HIP1: variants seen among roughly 807,000 people sequenced by gnomAD.
The protein encoded by HIP1 is huntingtin-interacting protein 1.
HIP1 carries 65 observed loss-of-function variants against 147.6 expected under a neutral mutation model. That is an observed-to-expected ratio of 0.44 (90% CI 0.36 to 0.54). The LOEUF (loss-of-function observed/expected upper bound fraction) is 0.54. HIP1 is among the 20% of genes least tolerant of loss of function. The pLI is 0.00. For synonymous variants in HIP1, 479 were observed against 504.0 expected (o/e 0.95, Z 0.67); for missense variants, 1,061 against 1,299.6 (o/e 0.82, Z 2.82).
At chr7:75,658,163 G>A (rs1049872456) in intron 1 of HIP1, among the ~76,000 whole-genome samples, 3 of 152,062 alleles carry the variant, frequency 2.0e-5, no homozygotes, top group Non-Finnish European at 4.4e-5. Flanking sequence ...TTGTGATCTC[G>A]TCTCACTGCA....
At chr7:75,604,295 G>T (rs1315824181) in intron 1 of HIP1, among the ~76,000 whole-genome samples, 1 of 152,180 alleles carries the variant, frequency 6.6e-6, no homozygotes, top group Non-Finnish European at 1.5e-5. Context: ...ATGCTGACCT[G>T]GACATGGTTA....
Position 75,544,701 on chromosome 7 carries a change from T to G in HIP1, c.2760A>C (p.Ala920=), listed in dbSNP as rs769960530. The change falls in exon 27 of 31, where the codon GCA becomes GCC. Residue 920 remains alanine (A), a synonymous_variant. Coordinates refer to ENST00000336926, the MANE Select transcript of HIP1 (RefSeq NM_005338.7). ...AGGTCCAGCCAGGTCCTACCTTGGA[T>G]GCAGCCACAAGCTGGGCTGTGCTAG... ...IAASTAQLVA[A]SKVKADKDSP... The G allele has an allele frequency of 2.5e-6, 4 of 1,606,696 alleles. 1 individual carries two copies. The highest frequency in any genetic ancestry group is 3.3e-5 in the Admixed American group (2 of 59,990).
intron 1 of HIP1, among the ~76,000 whole-genome samples, chr7:75,661,712 A>G (rs372624840): frequency 6.6e-6 from 1 of 151,898 alleles, no homozygotes; most frequent in Non-Finnish European, 1.5e-5. Flanking sequence ...AAAAGGTGCT[A>G]CAAGTGCTGT....
intron 1 of HIP1, among the ~76,000 whole-genome samples, chr7:75,639,745 T>C (rs1584910746): frequency 6.6e-6 from 1 of 151,136 alleles, no homozygotes; most frequent in African/African-American, 2.4e-5. Context: ...GGGCAGGGGG[T>C]CCGCTCGGCC....
intron 2 of HIP1, among the ~76,000 whole-genome samples, chr7:75,596,648 A>C (rs1357168859): frequency 6.6e-6 from 1 of 152,026 alleles, no homozygotes; most frequent in East Asian, 1.9e-4. Context: ...CACCTTCCAA[A>C]GTGCTGGGAT....
At position 75,560,395 on chromosome 7, in the gene HIP1, TG is replaced by T. The variant is rs1230075510; in HGVS notation, c.1192-481del. Among the ~76,000 whole-genome samples the T allele has an allele frequency of 2.0e-5, 3 of 152,230 alleles. No homozygotes were observed. The South Asian group carries it at 6.2e-4, about 32-fold the overall frequency. On this transcript the variant is annotated intron_variant, in intron 13 of 30. Coordinates refer to ENST00000336926, the MANE Select transcript of HIP1 (RefSeq NM_005338.7). ...TCCCAAGTAGCTGGCATTACAGGTATGCACCACCATGCCCAGCTAATTTTTA... is the reference window on the plus strand; with the variant it reads ...TCCCAAGTAGCTGGCATTACAGGTATCACCACCATGCCCAGCTAATTTTTA...
At chr7:75,737,784 C>T (rs1208220513) in intron 1 of HIP1, among the ~76,000 whole-genome samples, 1 of 117,202 alleles carries the variant, frequency 8.5e-6, no homozygotes, top group Non-Finnish European at 1.7e-5. Flanking sequence ...ATCAGGGGAC[C>T]AGCCTCTGGA....
chr7:75,541,558 T>C (rs1584770132), intron 29 of HIP1, among the ~76,000 whole-genome samples: 1 of 144,306 alleles, frequency 6.9e-6, no homozygotes, highest in Non-Finnish European at 1.5e-5. Context: ...TAGCTAGGTG[T>C]GGTGACGCAC....
At position 75,548,917 on chromosome 7, in the gene HIP1, T is replaced by C. The variant is rs150764598; in HGVS notation, c.2380A>G (p.Ile794Val). 131 of 1,613,850 alleles carry C rather than the reference T, an allele frequency of 8.1e-5. No homozygotes were observed. The highest frequency in any genetic ancestry group is 1.1e-4 in the Non-Finnish European group (125 of 1,179,828). ...DKEMAATSAA[I>V]ETATARIEEM... ...TCTATTCTGGCCGTGGCAGTTTCAATAGCAGCTGAAGTGGCCGCCATCTCC... is the reference window on the plus strand; with the variant it reads ...TCTATTCTGGCCGTGGCAGTTTCAACAGCAGCTGAAGTGGCCGCCATCTCC... The change falls in exon 23 of 31, where the codon ATT becomes GTT. Residue 794 changes from isoleucine to valine, a missense_variant. By Grantham distance (29) the Ile-to-Val change is conservative. This residue lies in a region of HIP1 where 810 missense variants were observed against 946.8 expected (regional missense o/e 0.86). Transcript: ENST00000336926.
chr7:75,700,149 C>T (rs1800776991), intron 1 of HIP1, among the ~76,000 whole-genome samples: 1 of 152,218 alleles, frequency 6.6e-6, no homozygotes, highest in Non-Finnish European at 1.5e-5. Flanking sequence ...CCGTGCCTGG[C>T]CGGCACCGAG....
intron 1 of HIP1, among the ~76,000 whole-genome samples, chr7:75,728,280 C>T (rs755528697): frequency 6.6e-6 from 1 of 152,242 alleles, no homozygotes; most frequent in African/African-American, 2.4e-5. Flanking sequence ...AGCCAGCAGA[C>T]ACCTTAAATC....
intron 5 of HIP1, among the ~76,000 whole-genome samples, chr7:75,585,194 T>A (rs1313789164): frequency 4.0e-5 from 6 of 150,200 alleles, no homozygotes; most frequent in Non-Finnish European, 3.0e-5. Context: ...TCTTTTTTTT[T>A]TTTTTTTTGA....
intron 1 of HIP1, among the ~76,000 whole-genome samples, chr7:75,706,657 G>A (rs1367173456): frequency 9.8e-6 from 1 of 102,316 alleles, no homozygotes; most frequent in Non-Finnish European, 1.9e-5. Flanking sequence ...TATACTCTAA[G>A]TTTTAGGGTA....
intron 1 of HIP1, among the ~76,000 whole-genome samples, chr7:75,738,258 G>A (rs1190345918): frequency 3.3e-5 from 5 of 150,668 alleles, no homozygotes; most frequent in Non-Finnish European, 7.4e-5. Context: ...CCTCAGAGCT[G>A]ACAGCTGGGG....
rs781964530 is a variant in HIP1, at chr7:75,561,386, C to T, written c.1134G>A (p.Glu378=). ...ATCCACTGATCTCTCTGTATAGTCG[C>T]TCAATTAAGTGGTCCCTGGGAAGAG... ...VNKDEKDHLI[E]RLYREISGLK... The change falls in exon 13 of 31, where the codon GAG becomes GAA. Residue 378 remains glutamate, a synonymous_variant. Coordinates refer to ENST00000336926, the MANE Select transcript of HIP1 (RefSeq NM_005338.7). 1.2e-6 allele frequency: 2 copies of T among 1,612,302 alleles called. No homozygotes were observed. Among genetic ancestry groups the T allele is most frequent in the Non-Finnish European group, 1.7e-6 (2 of 1,178,380 alleles).
intron 1 of HIP1, among the ~76,000 whole-genome samples, chr7:75,688,094 T>A (rs1421069099): frequency 1.3e-5 from 2 of 152,082 alleles, no homozygotes; most frequent in Non-Finnish European, 1.5e-5. Context: ...CTAAACTCAG[T>A]CTACTTGTTA....
rs1795490144 is a variant in HIP1 at position 75,568,392 on chromosome 7, G to T, written c.746-136C>A. ...ACTGCCAGGGGCCACGACTGGCCTAGAGCTGTCCCGAGGTCTGGTAACCAA... is the reference window on the plus strand; with the variant it reads ...ACTGCCAGGGGCCACGACTGGCCTATAGCTGTCCCGAGGTCTGGTAACCAA... On this transcript the variant is annotated intron_variant, in intron 8 of 30. Transcript: ENST00000336926. This position sits in a 1 kb window ranked among gnomAD's most constrained non-coding sequence, Gnocchi z 4.1. The T allele has an allele frequency of 1.5e-6, 1 of 685,066 alleles. No individual in the cohort carries two copies. The highest frequency in any genetic ancestry group is 2.2e-5 in the Admixed American group (1 of 45,580). The allele number at this position is 685,066 out of a possible 1,614,324, so 42.4% of individuals were successfully genotyped here.
At chr7:75,640,239 A>G (rs1554510284) in intron 1 of HIP1, among the ~76,000 whole-genome samples, 1 of 152,026 alleles carries the variant, frequency 6.6e-6, no homozygotes, top group African/African-American at 2.4e-5. Flanking sequence ...CAGGGACCTG[A>G]GAGTCCACCT....
chr7:75,704,302 A>G (rs1800924363), intron 1 of HIP1, among the ~76,000 whole-genome samples: 1 of 151,276 alleles, frequency 6.6e-6, no homozygotes. Context: ...CTGGAGTGCA[A>G]TGGCGTGATC....
Sources: allele counts gnomAD v4.1 joint callset (sites outside exome capture counted in the v4.1 genomes callset), GRCh38; gene constraint gnomAD v4.1.1; regional missense constraint gnomAD v4.1.1; non-coding constraint Gnocchi (gnomAD v3.1); transcripts MANE v1.5; gene names NCBI Gene and HGNC (gene_info 2026-07-23, HGNC 2026-07-21).